TEK: variants seen among roughly 807,000 people sequenced by gnomAD.
TEK encodes angiopoietin-1 receptor.
In TEK, 43 loss-of-function variants were observed where a neutral mutation model predicts 131.8. The ratio of observed to expected loss-of-function variants is 0.33; its 90% CI spans 0.26 to 0.42. TEK has a LOEUF of 0.42. Among genes scored for constraint, TEK ranks in the 10% least tolerant of loss-of-function variants. The pLI, the probability that TEK is intolerant of heterozygous loss-of-function variation, is 1.00. For synonymous variants in TEK, 580 were observed against 491.6 expected, an observed-to-expected ratio of 1.18 and a Z score of -2.38; for missense variants, 1,162 against 1,384.4, an observed-to-expected ratio of 0.84 and a Z score of 2.55.
chr9:27,110,571 G>T (rs544297287), intron 1 of TEK, among the ~76,000 whole-genome samples: 1 of 152,262 alleles, frequency 6.6e-6, no homozygotes, highest in South Asian at 2.1e-4. Flanking sequence ...ATTGATATTG[G>T]AGATGAATTT....
At chr9:27,120,244 C>G (rs1011709644) in intron 1 of TEK, among the ~76,000 whole-genome samples, 1 of 152,236 alleles carries the variant, frequency 6.6e-6, no homozygotes, top group African/African-American at 2.4e-5. Context: ...ATACCAGACT[C>G]TTTGCAGTTT....
At chr9:27,188,130 T>C (rs567121287) in intron 9 of TEK, among the ~76,000 whole-genome samples, 2 of 152,276 alleles carry the variant, frequency 1.3e-5, no homozygotes, top group African/African-American at 2.4e-5. Context: ...ATTCCATTTA[T>C]ATAAAGCTAA....
chr9:27,171,149 G>A (rs1356268900), intron 4 of TEK, among the ~76,000 whole-genome samples: 1 of 151,882 alleles, frequency 6.6e-6, no homozygotes, highest in Non-Finnish European at 1.5e-5. Context: ...TTGAAGTGGG[G>A]GCATAAATAT....
chr9:27,183,338 A>G lies in TEK; in HGVS notation c.1031-121A>G, dbSNP rs568150711. 214 of 1,104,600 alleles carry G rather than the reference A, an allele frequency of 1.9e-4. No individual in the cohort carries two copies. The African/African-American group carries it at 3.0e-3, about 16-fold the overall frequency. The allele number at this position is 1,104,600 out of a possible 1,614,324, so 68.4% of individuals were successfully genotyped here. A position where few individuals can be genotyped will look rare whatever the true frequency, so the allele number is the denominator to read the frequency against. ...CAGGTGTCTTATGTGATGACAAAACAGTAAAATATTTGCAAAGTTCTTGCC... is the reference window on the plus strand; with the variant it reads ...CAGGTGTCTTATGTGATGACAAAACGGTAAAATATTTGCAAAGTTCTTGCC... On this transcript the variant is annotated intron_variant, in intron 7 of 22. Coordinates refer to ENST00000380036, the MANE Select transcript of TEK (RefSeq NM_000459.5).
intron 11 of TEK, chr9:27,195,682 G>C: frequency 2.2e-6 from 1 of 455,940 alleles, no homozygotes; most frequent in Non-Finnish European, 4.4e-6. Context: ...AGTGACATAA[G>C]ACATCTCGAA....
At chr9:27,110,787 G>C (rs1478044122) in intron 1 of TEK, among the ~76,000 whole-genome samples, 2 of 152,122 alleles carry the variant, frequency 1.3e-5, no homozygotes, top group Admixed American at 1.3e-4. Context: ...TATTCTTTAA[G>C]AATGTGTAAC....
At chr9:27,210,170 T>G (rs980219371) in intron 16 of TEK, among the ~76,000 whole-genome samples, 5 of 152,158 alleles carry the variant, frequency 3.3e-5, no homozygotes, top group African/African-American at 9.7e-5. Context: ...TCATGTCCCT[T>G]AGGTTAAATA....
intron 9 of TEK, among the ~76,000 whole-genome samples, chr9:27,186,455 G>T (rs1233260298): frequency 6.6e-6 from 1 of 152,134 alleles, no homozygotes; most frequent in African/African-American, 2.4e-5. Flanking sequence ...TTGCTATCCT[G>T]TATTGTTTAG....
At position 27,158,107 on chromosome 9, in the gene TEK, CAATCAGGATACG is replaced by C; in HGVS notation, c.332_343del (p.Ile111_Arg114del). ...TGTGAAGGGCGAGTTCGAGGAGAGG[CAATCAGGATACG>C]AACCATGAAGATGCGTCAACAAGGT... is the stretch of plus-strand genomic sequence containing the variant. On this transcript the variant is annotated inframe_deletion, in exon 2 of 23. Transcript: ENST00000380036. The C allele has an allele frequency of 6.2e-7, 1 of 1,614,142 alleles. No individual in the cohort carries two copies. The highest frequency in any genetic ancestry group is 2.2e-5 in the East Asian group (1 of 44,878).
At chr9:27,169,857 A>G (rs187127136) in intron 4 of TEK, among the ~76,000 whole-genome samples, 2 of 152,352 alleles carry the variant, frequency 1.3e-5, no homozygotes, top group African/African-American at 4.8e-5. Context: ...TAAATATTTA[A>G]TATTACAAAT....
At chr9:27,120,613 G>A (rs947081156) in intron 1 of TEK, among the ~76,000 whole-genome samples, 5 of 152,248 alleles carry the variant, frequency 3.3e-5, no homozygotes, top group African/African-American at 4.8e-5. Flanking sequence ...CTTATGAAAT[G>A]AGACTTAGAA....
At position 27,220,158 on chromosome 9, in the gene TEK, T is replaced by C; in HGVS notation, c.3200+13T>C. 2 of 1,612,982 alleles carry C rather than the reference T, an allele frequency of 1.2e-6. No individual in the cohort carries two copies. The highest frequency in any genetic ancestry group is 1.7e-6 in the Non-Finnish European group (2 of 1,179,574). On this transcript the variant is annotated intron_variant, in intron 21 of 22. Transcript: ENST00000380036. Reference sequence around the variant, plus strand: ...GTGATGATGAGGTGTAAGTCAGGCCTCATCCTGGGGCTATTTTGTCTTACC... The same window carrying C: ...GTGATGATGAGGTGTAAGTCAGGCCCCATCCTGGGGCTATTTTGTCTTACC...
chr9:27,158,225 G>T, intron 2 of TEK, 83 bp downstream of exon 2: 2 of 1,484,660 alleles, frequency 1.3e-6, no homozygotes, highest in East Asian at 2.3e-5. Flanking sequence ...TCCCTCAGGG[G>T]CAGGGCATGC....
intron 1 of TEK, among the ~76,000 whole-genome samples, chr9:27,119,014 G>A (rs982086382): frequency 6.6e-6 from 1 of 152,158 alleles, no homozygotes; most frequent in African/African-American, 2.4e-5. Flanking sequence ...TTGAGACGTG[G>A]GTCCAAGGAT....
At chr9:27,218,677 C>G in intron 19 of TEK, 100 bp from the exon 20 acceptor site, 1 of 1,231,474 alleles carries the variant, frequency 8.1e-7, no homozygotes, top group South Asian at 1.2e-5. Flanking sequence ...TTTAACATCT[C>G]CTTTTCTCAG....
At position 27,218,952 on chromosome 9, in the gene TEK, A is replaced by C; in HGVS notation, c.3103+135A>C. On this transcript the variant is annotated intron_variant, in intron 20 of 22. Transcript: ENST00000380036. The stretch of plus-strand genomic sequence containing the variant: ...CCAGATGTGACTTGGAAATAGAAAC[A>C]TAGTGTATTAATTCCCATATTTTTC... The C allele has an allele frequency of 4.5e-6, 4 of 891,144 alleles. No individual in the cohort carries two copies. In the South Asian group the frequency reaches 5.5e-5, roughly 12 times the overall value. 55.2% of individuals were successfully genotyped at this position (891,144 alleles called of 1,614,324 possible). A position where few individuals can be genotyped will look rare whatever the true frequency, so the allele number is the denominator to read the frequency against.
At chr9:27,207,930 C>A (rs1026606403) in intron 15 of TEK, among the ~76,000 whole-genome samples, 2 of 152,154 alleles carry the variant, frequency 1.3e-5, no homozygotes, top group Admixed American at 1.3e-4. Flanking sequence ...AATCCCTTTT[C>A]TGTTTTGCTA....
intron 1 of TEK, among the ~76,000 whole-genome samples, chr9:27,139,738 T>C (rs1587506409): frequency 6.6e-6 from 1 of 152,086 alleles, no homozygotes; most frequent in African/African-American, 2.4e-5. Context: ...TTTGAGAGTA[T>C]TGTATGGAAA....
At position 27,213,898 on chromosome 9, in the gene TEK, G is replaced by A. The variant is rs7021962; in HGVS notation, c.2991+301G>A. ...CCAGACCCCAAGGCATCTCACTCAG[G>A]AACCTCTGAGGAGCTTGCACAATCC... On this transcript the variant is annotated intron_variant, in intron 18 of 22. Transcript: ENST00000380036. 0.4 allele frequency among the ~76,000 whole-genome samples: 61,251 copies of A among 152,038 alleles called. 12,628 individuals are homozygous for A. The highest frequency in any genetic ancestry group is 0.58 in the East Asian group (2,989 of 5,160).
Sources: gnomAD v4.1 joint callset for allele counts (sites outside exome capture counted in the v4.1 genomes callset) on GRCh38, gnomAD v4.1.1 for gene constraint, MANE v1.5 for transcripts, NCBI Gene and HGNC (gene_info 2026-07-23, HGNC 2026-07-21) for gene names.